The following PLA2G4A variants were observed in gnomAD, a reference collection of about 807,000 sequenced individuals.
PLA2G4A encodes the protein cytosolic phospholipase A2.
A neutral mutation model predicts 81.9 loss-of-function variants in PLA2G4A; 40 were observed. That is an observed-to-expected ratio of 0.49 (90% confidence interval 0.38 to 0.64). The LOEUF is 0.64. PLA2G4A is among the 30% of genes least tolerant of loss of function. The pLI is 0.00. For missense variants in PLA2G4A, 715 were observed against 905.1 expected (o/e 0.79, Z 2.69); for synonymous variants, 302 against 296.9 (o/e 1.02, Z -0.18).
chr1:186,868,157 C>T (rs907701022), intron 2 of PLA2G4A, among the ~76,000 whole-genome samples: 1 of 150,296 alleles, frequency 6.7e-6, no homozygotes, highest in African/African-American at 2.5e-5. Context: ...TTGCTGCAAC[C>T]ACTGCTGCCA....
intron 10 of PLA2G4A, among the ~76,000 whole-genome samples, chr1:186,945,749 G>A (rs1433115752): frequency 6.6e-6 from 1 of 152,138 alleles, no homozygotes; most frequent in Non-Finnish European, 1.5e-5. Flanking sequence ...TGTAGAAAAT[G>A]GGAATCAGAA....
intron 1 of PLA2G4A, among the ~76,000 whole-genome samples, chr1:186,837,758 A>AAAAAG (rs1651840747): frequency 2.0e-5 from 3 of 147,124 alleles, no homozygotes; most frequent in African/African-American, 5.1e-5. Context: ...AAAAAGAAAA[A>AAAAAG]GAAAAGAAAA....
Position 186,937,253 on chromosome 1 carries a change from A to G in PLA2G4A, c.696-1755A>G, listed in dbSNP as rs10911960. Among the ~76,000 whole-genome samples, 120 of 149,320 alleles carry G rather than the reference A, an allele frequency of 8.0e-4. 1 individual carries two copies. Among genetic ancestry groups the G allele is most frequent in the East Asian group, 4.0e-3 (20 of 5,044 alleles). On this transcript the variant is annotated intron_variant, in intron 8 of 17. Transcript: ENST00000367466. ...AGCCAACTGCTTCATGAGACGGGAA[A>G]AGAGAGAGAGAGAGAGAGAGAGAGA...
chr1:186,844,819 C>T (rs191657643), intron 1 of PLA2G4A, among the ~76,000 whole-genome samples: 1 of 152,236 alleles, frequency 6.6e-6, no homozygotes, highest in Admixed American at 6.5e-5. Flanking sequence ...TGAAAATGTA[C>T]TTGGTGTTTA....
chr1:186,849,612 G>T (rs1334326935), intron 1 of PLA2G4A, among the ~76,000 whole-genome samples: 1 of 152,040 alleles, frequency 6.6e-6, no homozygotes, highest in Admixed American at 6.6e-5. Context: ...CATACTGCCT[G>T]CCTGGAACAT....
chr1:186,932,322 G>A (rs1269870076), intron 7 of PLA2G4A, among the ~76,000 whole-genome samples: 2 of 140,306 alleles, frequency 1.4e-5, no homozygotes, highest in South Asian at 2.2e-4. Flanking sequence ...TTGAGATGGA[G>A]TCTTGCTCTG....
chr1:186,982,909 T>C (rs1231844852), intron 17 of PLA2G4A, among the ~76,000 whole-genome samples: 1 of 151,770 alleles, frequency 6.6e-6, no homozygotes, highest in Non-Finnish European at 1.5e-5. Context: ...AAACCCCGTC[T>C]CTACTAAAAA....
Position 186,930,021 on chromosome 1 carries a change from G to A in PLA2G4A, c.559-2742G>A, listed in dbSNP as rs554976764. ...ATCCTGGGCAACATGGCAAAACCCCGTCTCTATGCCAGTACACTCCAACCT... is the reference window on the plus strand; with the variant it reads ...ATCCTGGGCAACATGGCAAAACCCCATCTCTATGCCAGTACACTCCAACCT... On this transcript the variant is annotated intron_variant, in intron 7 of 17. Transcript: ENST00000367466. Among the ~76,000 whole-genome samples the A allele has an allele frequency of 1.1e-3, 161 of 152,168 alleles. 1 individual carries two copies. Among genetic ancestry groups the A allele is most frequent in the Admixed American group, 1.6e-3 (25 of 15,272 alleles).
chr1:186,869,428 T>C (rs765118119), intron 2 of PLA2G4A, among the ~76,000 whole-genome samples: 64 of 152,210 alleles, frequency 4.2e-4, no homozygotes, highest in Non-Finnish European at 8.2e-4. Context: ...TTTGATGCTG[T>C]ACTATAAATT....
intron 1 of PLA2G4A, among the ~76,000 whole-genome samples, chr1:186,834,261 G>A (rs1227245752): frequency 6.6e-6 from 1 of 151,954 alleles, no homozygotes; most frequent in Non-Finnish European, 1.5e-5. Flanking sequence ...AGGCTTTGTG[G>A]TTGATAAAGG....
chr1:186,884,992 T>C (rs1653881993), intron 3 of PLA2G4A, among the ~76,000 whole-genome samples: 3 of 151,562 alleles, frequency 2.0e-5, no homozygotes, highest in Non-Finnish European at 4.4e-5. Flanking sequence ...AGGGGAGTGA[T>C]AGGGATATGG....
chr1:186,917,974 C>T (rs142911878), intron 7 of PLA2G4A, among the ~76,000 whole-genome samples: 2 of 152,272 alleles, frequency 1.3e-5, no homozygotes, highest in African/African-American at 4.8e-5. Flanking sequence ...TGACTCTTGC[C>T]CTAGGTGAGT....
chr1:186,908,968 CTTTTTTTTTTTT>C (rs1201226836), intron 6 of PLA2G4A, among the ~76,000 whole-genome samples: 4 of 75,090 alleles, frequency 5.3e-5, no homozygotes, highest in African/African-American at 1.7e-4. Context: ...CTTTTCTTTT[CTTTTTTTTTTTT>C]TTTTTTTTTT....
At chr1:186,834,562 G>GGAC (rs1651712019) in intron 1 of PLA2G4A, among the ~76,000 whole-genome samples, 2 of 152,032 alleles carry the variant, frequency 1.3e-5, no homozygotes, top group Admixed American at 6.5e-5. Flanking sequence ...CCTGGTGCGT[G>GGAC]TTTCCATAAT....
At chr1:186,969,028 G>T (rs992314425) in intron 15 of PLA2G4A, among the ~76,000 whole-genome samples, 2 of 151,642 alleles carry the variant, frequency 1.3e-5, no homozygotes, top group African/African-American at 2.4e-5. Context: ...ACTTTTAATT[G>T]GATTATTTGT....
At chr1:186,873,305 G>A in intron 3 of PLA2G4A, among the ~76,000 whole-genome samples, 1 of 152,046 alleles carries the variant, frequency 6.6e-6, no homozygotes. Flanking sequence ...CCAAATAGCT[G>A]AATTTGGGGT....
At chr1:186,985,722 C>A (rs16826212) in intron 17 of PLA2G4A, among the ~76,000 whole-genome samples, 32,321 of 151,808 alleles carry the variant, frequency 0.21, 5,651 homozygotes, top group African/African-American at 0.48. Flanking sequence ...CTGAATGGCA[C>A]AAGTGAAAGA....
At chr1:186,936,203 A>G (rs1655937441) in intron 8 of PLA2G4A, among the ~76,000 whole-genome samples, 4 of 152,092 alleles carry the variant, frequency 2.6e-5, no homozygotes, top group Admixed American at 2.0e-4. Flanking sequence ...TTATTGAACT[A>G]ACTAAAATAG....
intron 2 of PLA2G4A, among the ~76,000 whole-genome samples, chr1:186,864,014 G>A (rs537914564): frequency 9.5e-4 from 71 of 74,348 alleles, no homozygotes; most frequent in African/African-American, 3.8e-3. Flanking sequence ...CACCTTCCTC[G>A]GCCTCCCTCC....
Sources: gnomAD v4.1 joint callset for allele counts (sites outside exome capture counted in the v4.1 genomes callset) on GRCh38, gnomAD v4.1.1 for gene constraint, MANE v1.5 for transcripts, NCBI Gene and HGNC (gene_info 2026-07-23, HGNC 2026-07-21) for gene names.